Variants in TMEM108 observed in about 807,000 individuals in gnomAD.
TMEM108 encodes the protein cancer/testis antigen 124.
In TMEM108, 12 loss-of-function variants were observed where a neutral mutation model predicts 35.1. The observed-to-expected ratio is 0.34, with a 90% CI of 0.22 to 0.55. The LOEUF is 0.55. TMEM108 is among the 20% of genes least tolerant of loss of function. The pLI, the probability that TMEM108 is intolerant of heterozygous loss-of-function variation, is 0.89. For synonymous variants in TMEM108, 287 were observed against 308.6 expected, an observed-to-expected ratio of 0.93 and a Z score of 0.73; for missense variants, 680 against 753.3, an observed-to-expected ratio of 0.90 and a Z score of 1.14.
intron 3 of TMEM108, among the ~76,000 whole-genome samples, chr3:133,355,154 A>T (rs564151281): frequency 2.0e-4 from 30 of 152,356 alleles, no homozygotes; most frequent in Admixed American, 1.8e-3. Context: ...AGCATTTGTG[A>T]ATGGTTATAA....
chr3:133,201,113 C>T (rs1397603013), intron 2 of TMEM108, among the ~76,000 whole-genome samples: 1 of 152,162 alleles, frequency 6.6e-6, no homozygotes, highest in Non-Finnish European at 1.5e-5. Flanking sequence ...CATGAAATTT[C>T]TGCCTTCCCA....
At chr3:133,223,805 T>C (rs1946027950) in intron 2 of TMEM108, among the ~76,000 whole-genome samples, 1 of 152,152 alleles carries the variant, frequency 6.6e-6, no homozygotes, top group Admixed American at 6.5e-5. Context: ...AAAATAAATA[T>C]AAAATGTCTA....
intron 2 of TMEM108, among the ~76,000 whole-genome samples, chr3:133,181,635 C>T (rs908089130): frequency 1.3e-5 from 2 of 152,052 alleles, no homozygotes; most frequent in African/African-American, 2.4e-5. Context: ...TTAAATGGAA[C>T]ATATGGGGGG....
chr3:133,108,642 T>C lies in TMEM108; in HGVS notation c.-47+62622T>C, dbSNP rs187092144. Reference sequence around the variant, plus strand: ...AGTTTAATTAGATCCCATTTATCAATTTTGGCTTTTGTTTCCATTGCTTTT... The same window carrying C: ...AGTTTAATTAGATCCCATTTATCAACTTTGGCTTTTGTTTCCATTGCTTTT... On this transcript the variant is annotated intron_variant, in intron 2 of 5. Transcript: ENST00000321871. 1.1e-4 allele frequency among the ~76,000 whole-genome samples: 16 copies of C among 152,258 alleles called. No homozygotes were observed. In the East Asian group the frequency reaches 3.1e-3, roughly 29 times the overall value.
intron 3 of TMEM108, among the ~76,000 whole-genome samples, chr3:133,255,574 G>T (rs1301100096): frequency 6.6e-6 from 1 of 152,164 alleles, no homozygotes; most frequent in Non-Finnish European, 1.5e-5. Context: ...ACAGGTGGGG[G>T]TTCAAGAACG....
At position 133,131,756 on chromosome 3, in the gene TMEM108, G is replaced by C. The variant is rs116421256; in HGVS notation, c.-47+85736G>C. Among the ~76,000 whole-genome samples, 3 of 151,980 alleles carry C rather than the reference G, an allele frequency of 2.0e-5. No individual in the cohort carries two copies. The East Asian group carries it at 5.8e-4, about 29-fold the overall frequency. Reference sequence around the variant, plus strand: ...CAAAAGCTAGGCCTCTTGCATCAGCGAGACAAGTTAGGAATGCAAAGCAAA... The same window carrying C: ...CAAAAGCTAGGCCTCTTGCATCAGCCAGACAAGTTAGGAATGCAAAGCAAA... On this transcript the variant is annotated intron_variant, in intron 2 of 5. Transcript: ENST00000321871.
chr3:133,089,369 G>T (rs1419254722), intron 2 of TMEM108, among the ~76,000 whole-genome samples: 1 of 152,132 alleles, frequency 6.6e-6, no homozygotes, highest in African/African-American at 2.4e-5. Flanking sequence ...TAATATATTA[G>T]CATATTGAGT....
At chr3:133,301,223 C>A (rs1413082054) in intron 3 of TMEM108, among the ~76,000 whole-genome samples, 7 of 152,164 alleles carry the variant, frequency 4.6e-5, no homozygotes, top group Admixed American at 4.6e-4. Context: ...CTTCATTCTT[C>A]TTTCAAGATT....
intron 2 of TMEM108, among the ~76,000 whole-genome samples, chr3:133,158,453 T>G (rs1576351163): frequency 2.7e-5 from 3 of 113,124 alleles, no homozygotes; most frequent in Admixed American, 1.3e-4. Flanking sequence ...GGCAACAGAG[T>G]GAGACTCTGT....
At chr3:133,321,511 T>G (rs1156558380) in intron 3 of TMEM108, among the ~76,000 whole-genome samples, 1 of 152,160 alleles carries the variant, frequency 6.6e-6, no homozygotes, top group African/African-American at 2.4e-5. Context: ...GCTTCCAAAT[T>G]TATAAAACAA....
At chr3:133,306,610 T>C (rs182093697) in intron 3 of TMEM108, among the ~76,000 whole-genome samples, 1 of 152,256 alleles carries the variant, frequency 6.6e-6, no homozygotes, top group Admixed American at 6.5e-5. Context: ...AGTGAGAGCA[T>C]GCGGTGTTTG....
At chr3:133,235,451 T>C (rs1168647229) in intron 3 of TMEM108, among the ~76,000 whole-genome samples, 1 of 152,078 alleles carries the variant, frequency 6.6e-6, no homozygotes, top group Non-Finnish European at 1.5e-5. Context: ...TAACGCTGCA[T>C]ATCTACAACT....
intron 2 of TMEM108, among the ~76,000 whole-genome samples, chr3:133,180,364 C>A (rs1240619183): frequency 6.6e-6 from 1 of 152,040 alleles, no homozygotes; most frequent in Non-Finnish European, 1.5e-5. Flanking sequence ...ATAGGCCTGA[C>A]AGTTAAGTCC....
At chr3:133,283,517 C>T (rs895156732) in intron 3 of TMEM108, among the ~76,000 whole-genome samples, 1 of 152,194 alleles carries the variant, frequency 6.6e-6, no homozygotes, top group Admixed American at 6.5e-5. Flanking sequence ...AATTTAATTA[C>T]AGGAAAGTGC....
At chr3:133,174,875 T>C (rs1170305695) in intron 2 of TMEM108, among the ~76,000 whole-genome samples, 1 of 151,714 alleles carries the variant, frequency 6.6e-6, no homozygotes, top group Non-Finnish European at 1.5e-5. Context: ...ATCAAACTAC[T>C]CCGAGCTAAA....
intron 3 of TMEM108, among the ~76,000 whole-genome samples, chr3:133,334,271 C>G (rs1001445779): frequency 5.3e-5 from 8 of 151,974 alleles, no homozygotes; most frequent in Non-Finnish European, 8.8e-5. Context: ...GTATTTCTGC[C>G]GTGAAGGATC....
intron 2 of TMEM108, among the ~76,000 whole-genome samples, chr3:133,057,389 T>C (rs1943478017): frequency 6.7e-6 from 1 of 148,262 alleles, no homozygotes; most frequent in African/African-American, 2.6e-5. Context: ...TCTAGTTTGA[T>C]CTACTTTTTA....
chr3:133,351,768 C>T (rs183310014), intron 3 of TMEM108, among the ~76,000 whole-genome samples: 17 of 152,278 alleles, frequency 1.1e-4, no homozygotes, highest in African/African-American at 4.1e-4. Flanking sequence ...CTCTCCTGAG[C>T]CACCTGGATG....
rs189969791 is a variant in TMEM108, at chr3:133,333,233, A to C, written c.41-46519A>C. Among the ~76,000 whole-genome samples, 36 of 152,206 alleles carry C rather than the reference A, an allele frequency of 2.4e-4. No homozygotes were observed. In the East Asian group the frequency reaches 6.8e-3, roughly 29 times the overall value. ...CCCTTGGATGTTCTTTCTCTCCCTC[A>C]CCTTTTCATTCTTTCCAGTCCCCCA... On this transcript the variant is annotated intron_variant, in intron 3 of 5. Coordinates refer to ENST00000321871, the MANE Select transcript of TMEM108 (RefSeq NM_023943.4).
Sources: allele counts gnomAD v4.1 joint callset (sites outside exome capture counted in the v4.1 genomes callset), GRCh38; gene constraint gnomAD v4.1.1; transcripts MANE v1.5; gene names NCBI Gene and HGNC (gene_info 2026-07-23, HGNC 2026-07-21).